The following BBX variants were observed in gnomAD, a reference collection of about 807,000 sequenced individuals.
The protein encoded by BBX is BBX high mobility group box domain containing.
Under a neutral mutation model 100.2 loss-of-function variants are expected in BBX, and 30 were observed. That is an observed-to-expected ratio of 0.30 (90% CI 0.22 to 0.41). The LOEUF (loss-of-function observed/expected upper bound fraction) is 0.41, where lower values mean the gene tolerates loss of function less well. Among genes scored for constraint, BBX ranks in the 10% least tolerant of loss-of-function variants. The pLI, the probability that BBX is intolerant of heterozygous loss-of-function variation, is 1.00. For synonymous variants in BBX, 376 were observed against 388.1 expected (o/e 0.97, Z 0.37); for missense variants, 1,023 against 1,129.8 (o/e 0.91, Z 1.35).
intron 3 of BBX, among the ~76,000 whole-genome samples, chr3:107,699,043 C>T (rs1184428397): frequency 6.6e-6 from 1 of 151,766 alleles, no homozygotes; most frequent in East Asian, 1.9e-4. Context: ...CATTTGCCTG[C>T]AGTGCGCCCG....
intron 2 of BBX, among the ~76,000 whole-genome samples, chr3:107,586,449 G>A (rs2052846338): frequency 6.6e-6 from 1 of 152,034 alleles, no homozygotes; most frequent in Non-Finnish European, 1.5e-5. Flanking sequence ...TTTTTAATGT[G>A]AATTAAACAA....
chr3:107,641,532 A>G (rs1046810729), intron 2 of BBX, among the ~76,000 whole-genome samples: 10 of 152,192 alleles, frequency 6.6e-5, no homozygotes, highest in Non-Finnish European at 2.9e-5. Flanking sequence ...GTGTTTTCTT[A>G]TACTTTTTTT....
At chr3:107,783,089 TA>T (rs2068065451) in intron 13 of BBX, among the ~76,000 whole-genome samples, 1 of 152,144 alleles carries the variant, frequency 6.6e-6, no homozygotes, top group Admixed American at 6.6e-5. Flanking sequence ...ATTTGCTATT[TA>T]TTACAGATTT....
chr3:107,594,556 A>C (rs780972130), intron 2 of BBX, among the ~76,000 whole-genome samples: 5 of 152,152 alleles, frequency 3.3e-5, no homozygotes. Flanking sequence ...TATGAGCCCT[A>C]GAGTCAGGCT....
At chr3:107,766,829 G>A (rs1001075453) in intron 10 of BBX, among the ~76,000 whole-genome samples, 1 of 152,132 alleles carries the variant, frequency 6.6e-6, no homozygotes, top group African/African-American at 2.4e-5. Flanking sequence ...AAGATAGACT[G>A]GATAAAGAAA....
At chr3:107,589,702 A>T (rs2053152820) in intron 2 of BBX, among the ~76,000 whole-genome samples, 1 of 152,214 alleles carries the variant, frequency 6.6e-6, no homozygotes, top group African/African-American at 2.4e-5. Flanking sequence ...CTCTGGGAAG[A>T]TACCAAAGAA....
At chr3:107,667,101 CAAG>C (rs1576253923) in intron 3 of BBX, among the ~76,000 whole-genome samples, 1 of 152,310 alleles carries the variant, frequency 6.6e-6, no homozygotes, top group East Asian at 1.9e-4. Flanking sequence ...CACCCTATCT[CAAG>C]AAGAACAGAT....
chr3:107,553,042 G>A (rs1255354036), intron 2 of BBX, among the ~76,000 whole-genome samples: 2 of 152,194 alleles, frequency 1.3e-5, no homozygotes, highest in African/African-American at 4.8e-5. Flanking sequence ...TGTTAACAGT[G>A]ATCTCAGGGT....
chr3:107,790,258 T>C (rs1455054583), intron 14 of BBX, among the ~76,000 whole-genome samples: 1 of 152,230 alleles, frequency 6.6e-6, no homozygotes, highest in African/African-American at 2.4e-5. Flanking sequence ...TCCTACTTCA[T>C]GAAATCTTAC....
chr3:107,736,839 G>T (rs1320038418), intron 7 of BBX, among the ~76,000 whole-genome samples: 1 of 152,054 alleles, frequency 6.6e-6, no homozygotes, highest in African/African-American at 2.4e-5. Context: ...CAGAAGGAGA[G>T]GGGTGGTTGG....
In BBX at chr3:107,747,968, T is replaced by C; in HGVS notation, c.754T>C (p.Ser252Pro). Reference sequence around the variant, plus strand: ...AAAATTGCTTGTTTCCTTTCAGATATCTTCAAGTACGTCCCACTCTGATGC... The same window carrying C: ...AAAATTGCTTGTTTCCTTTCAGATACCTTCAAGTACGTCCCACTCTGATGC... ...KSPLFQFAEI[S>P]SSTSHSDAST... The change falls in exon 9 of 18, where the codon TCT becomes CCT. Residue 252 changes from serine to proline, a missense_variant. Ser to Pro is a moderately conservative substitution (Grantham distance 74). Coordinates refer to ENST00000325805, the MANE Select transcript of BBX (RefSeq NM_001142568.3). 6.2e-7 allele frequency: 1 copy of C among 1,610,604 alleles called. No individual in the cohort carries two copies. Among genetic ancestry groups the C allele is most frequent in the Non-Finnish European group, 8.5e-7 (1 of 1,178,484 alleles).
At chr3:107,769,231 CAGAT>C (rs59812827) in intron 10 of BBX, among the ~76,000 whole-genome samples, 12 of 98,390 alleles carry the variant, frequency 1.2e-4, no homozygotes, top group South Asian at 3.3e-4. Flanking sequence ...GATAGATAGA[CAGAT>C]AGATAGGATA....
At chr3:107,523,497 A>C (rs1253414951) in intron 1 of BBX, 2 of 152,392 alleles carry the variant, frequency 1.3e-5, no homozygotes, top group Non-Finnish European at 2.9e-5. Context: ...CTGCGTTTGC[A>C]ACCAGCACCT....
intron 2 of BBX, among the ~76,000 whole-genome samples, chr3:107,629,571 C>A (rs1200054093): frequency 6.6e-6 from 1 of 152,038 alleles, no homozygotes; most frequent in African/African-American, 2.4e-5. Flanking sequence ...TAACTTTTGG[C>A]CATGGGATAT....
chr3:107,651,435 G>A (rs535385753), intron 3 of BBX, among the ~76,000 whole-genome samples: 56 of 152,066 alleles, frequency 3.7e-4, no homozygotes, highest in African/African-American at 1.3e-3. Flanking sequence ...TTTATATGAT[G>A]GAGGAATTAC....
chr3:107,639,353 G>A (rs1190094238), intron 2 of BBX, among the ~76,000 whole-genome samples: 1 of 152,154 alleles, frequency 6.6e-6, no homozygotes, highest in Non-Finnish European at 1.5e-5. Context: ...CCTAAACAGT[G>A]TAGGTCAGGG....
intron 9 of BBX, among the ~76,000 whole-genome samples, chr3:107,750,349 G>T (rs1463547992): frequency 6.6e-6 from 1 of 152,122 alleles, no homozygotes; most frequent in African/African-American, 2.4e-5. Flanking sequence ...TCAAAATATA[G>T]GAAGGCATGT....
chr3:107,773,276 G>A lies in BBX; in HGVS notation c.1555G>A (p.Gly519Arg), dbSNP rs762106022. ...KKVRTSSSGK[G>R]SILDAKPPKK... is the part of the protein sequence containing the mutation. ...GGTCCGCACATCCTCAAGTGGCAAG[G>A]GAAGCATTTTGGATGCCAAGCCACC... is the stretch of plus-strand genomic sequence containing the variant. The change falls in exon 11 of 18, where the codon GGA (glycine) becomes AGA (arginine). Residue 519 changes from glycine to arginine, a missense_variant. Gly to Arg is a moderately radical substitution (Grantham distance 125). Coordinates refer to ENST00000325805, the MANE Select transcript of BBX (RefSeq NM_001142568.3). This position sits in a 1 kb window ranked among gnomAD's most constrained non-coding sequence, Gnocchi z 4.1. The A allele has an allele frequency of 5.0e-6, 8 of 1,614,024 alleles. No homozygotes were observed. The South Asian group carries it at 5.5e-5, about 11-fold the overall frequency.
At chr3:107,782,413 A>G (rs1288212612) in intron 13 of BBX, among the ~76,000 whole-genome samples, 1 of 152,166 alleles carries the variant, frequency 6.6e-6, no homozygotes, top group East Asian at 1.9e-4. Flanking sequence ...ATACACATAT[A>G]TATAGTTTAA....
Sources: gnomAD v4.1 joint callset for allele counts (sites outside exome capture counted in the v4.1 genomes callset) on GRCh38, gnomAD v4.1.1 for gene constraint, Gnocchi (gnomAD v3.1) non-coding constraint, MANE v1.5 for transcripts, NCBI Gene and HGNC (gene_info 2026-07-23, HGNC 2026-07-21) for gene names.